The following TBC1D1 variants were observed in gnomAD, a reference collection of about 807,000 sequenced individuals.
The protein encoded by TBC1D1 is TBC1 (tre-2/USP6, BUB2, cdc16) domain family, member 1.
Under a neutral mutation model 125.6 loss-of-function variants are expected in TBC1D1, and 89 were observed. The observed-to-expected ratio is 0.71, with a 90% confidence interval of 0.60 to 0.85. The LOEUF is 0.85. TBC1D1 is among the 40% of genes least tolerant of loss of function. The pLI is 0.00. For missense variants in TBC1D1, 1,377 were observed against 1,469.2 expected (o/e 0.94, Z 1.03); for synonymous variants, 565 against 564.1 (o/e 1.00, Z -0.02).
chr4:38,092,531 G>C (rs1758593536), intron 13 of TBC1D1, among the ~76,000 whole-genome samples: 1 of 152,002 alleles, frequency 6.6e-6, no homozygotes, highest in African/African-American at 2.4e-5. Flanking sequence ...AGGGGTTCGA[G>C]ACCAGCCTGG....
At chr4:38,008,020 G>C (rs2152417891) in intron 2 of TBC1D1, among the ~76,000 whole-genome samples, 1 of 152,332 alleles carries the variant, frequency 6.6e-6, no homozygotes, top group South Asian at 2.1e-4. Context: ...TCATTTAGGT[G>C]GGTGGACCTG....
chr4:38,074,998 A>AT (rs1306324233), intron 12 of TBC1D1, among the ~76,000 whole-genome samples: 1 of 152,146 alleles, frequency 6.6e-6, no homozygotes, highest in Non-Finnish European at 1.5e-5. Flanking sequence ...TGACCTCGTC[A>AT]TCCGCCTGCC....
At chr4:37,978,931 C>T (rs1483737344) in intron 2 of TBC1D1, among the ~76,000 whole-genome samples, 1 of 152,156 alleles carries the variant, frequency 6.6e-6, no homozygotes, top group Non-Finnish European at 1.5e-5. Context: ...GGCTGGAGTG[C>T]AGTGGTGCGA....
At chr4:37,894,130 A>AC (rs1342256817) in intron 1 of TBC1D1, among the ~76,000 whole-genome samples, 1 of 151,908 alleles carries the variant, frequency 6.6e-6, no homozygotes, top group African/African-American at 2.4e-5. Flanking sequence ...CTGGGACTAC[A>AC]GGCGTGCTCT....
chr4:38,113,028 C>T (rs1762446695), intron 15 of TBC1D1, among the ~76,000 whole-genome samples: 1 of 152,192 alleles, frequency 6.6e-6, no homozygotes, highest in Non-Finnish European at 1.5e-5. Context: ...TTTGCCTTCT[C>T]ATAACATACC....
chr4:38,126,077 G>T (rs79820669), intron 18 of TBC1D1, among the ~76,000 whole-genome samples: 10,334 of 152,258 alleles, frequency 0.068, 484 homozygotes, highest in South Asian at 0.12. Context: ...AACCCAAGTG[G>T]TATAGCCTAC....
At chr4:38,114,266 G>T (rs1387993839) in intron 15 of TBC1D1, among the ~76,000 whole-genome samples, 1 of 152,158 alleles carries the variant, frequency 6.6e-6, no homozygotes, top group Non-Finnish European at 1.5e-5. Flanking sequence ...CTTGTGCAGG[G>T]TATATCTGGG....
chr4:37,921,109 C>CAAAAA (rs1188232681), intron 2 of TBC1D1, among the ~76,000 whole-genome samples: 58 of 71,866 alleles, frequency 8.1e-4, no homozygotes, highest in South Asian at 1.9e-3. Context: ...GACTCCGTCT[C>CAAAAA]AAAAAAAAAA....
chr4:38,039,132 T>A (rs1183181522), intron 8 of TBC1D1, among the ~76,000 whole-genome samples: 3 of 85,358 alleles, frequency 3.5e-5, no homozygotes, highest in Non-Finnish European at 6.8e-5. Context: ...TTTTTTTTTT[T>A]TTTGAGACAG....
At chr4:37,891,429 G>T (rs1237848699) in intron 1 of TBC1D1, 81 bp downstream of exon 1, 3 of 151,984 alleles carry the variant, frequency 2.0e-5, no homozygotes, top group Non-Finnish European at 4.4e-5. Flanking sequence ...CCCGCAGCAC[G>T]CCCCTGCCCC....
chr4:37,907,569 CA>C (rs2152241273), intron 2 of TBC1D1, among the ~76,000 whole-genome samples: 2 of 152,308 alleles, frequency 1.3e-5, no homozygotes, highest in African/African-American at 4.8e-5. Context: ...TCCTAACACC[CA>C]TGAACGTCCC....
At chr4:38,123,877 A>G (rs1366906266) in intron 17 of TBC1D1, among the ~76,000 whole-genome samples, 1 of 152,196 alleles carries the variant, frequency 6.6e-6, no homozygotes, top group Admixed American at 6.5e-5. Flanking sequence ...TCAGTTTCCC[A>G]TTTGCACAGC....
chr4:38,069,410 A>G (rs1754308780), intron 12 of TBC1D1, among the ~76,000 whole-genome samples: 1 of 152,214 alleles, frequency 6.6e-6, no homozygotes, highest in Non-Finnish European at 1.5e-5. Flanking sequence ...AGCCTGTCTC[A>G]GCCAATGATT....
intron 8 of TBC1D1, among the ~76,000 whole-genome samples, chr4:38,043,777 AAAGC>A (rs1474663494): frequency 1.3e-5 from 2 of 152,234 alleles, no homozygotes; most frequent in Admixed American, 1.3e-4. Flanking sequence ...AAAACGCAAG[AAAGC>A]AAGAGATCTG....
At chr4:38,021,160 A>G (rs961255069) in intron 5 of TBC1D1, among the ~76,000 whole-genome samples, 1 of 152,202 alleles carries the variant, frequency 6.6e-6, no homozygotes, top group African/African-American at 2.4e-5. Context: ...CACATCTTAC[A>G]TGGCAGCAGG....
At chr4:38,068,395 C>T (rs1166868206) in intron 12 of TBC1D1, among the ~76,000 whole-genome samples, 1 of 152,104 alleles carries the variant, frequency 6.6e-6, no homozygotes, top group Non-Finnish European at 1.5e-5. Context: ...GACACTCCTG[C>T]TCGTTTTCTC....
intron 2 of TBC1D1, among the ~76,000 whole-genome samples, chr4:37,931,824 T>A (rs866368385): frequency 1.1e-4 from 16 of 152,286 alleles, no homozygotes; most frequent in African/African-American, 3.8e-4. Context: ...ACACAAGAAG[T>A]TTTGCAAACT....
At chr4:38,010,192 G>A (rs527385573) in intron 2 of TBC1D1, among the ~76,000 whole-genome samples, 30 of 152,080 alleles carry the variant, frequency 2.0e-4, no homozygotes, top group Non-Finnish European at 4.0e-4. Flanking sequence ...ATTGTCTTCC[G>A]CCTTATTTAT....
In TBC1D1 at chr4:37,908,116, TGGA is replaced by T. The variant is rs1717731806; in HGVS notation, c.417+5606_417+5608del. Among the ~76,000 whole-genome samples the T allele has an allele frequency of 2.0e-5, 3 of 151,952 alleles. No homozygotes were observed. In the South Asian group the frequency reaches 6.3e-4, roughly 32 times the overall value. On this transcript the variant is annotated intron_variant, in intron 2 of 19. Transcript: ENST00000261439. The stretch of plus-strand genomic sequence containing the variant: ...CGGGGGTTCTTGAGATGGTAATAGG[TGGA>T]GAAGTGCAGGCTGGTGTGTGGTCGA...
Sources: allele counts gnomAD v4.1 joint callset (sites outside exome capture counted in the v4.1 genomes callset), GRCh38; gene constraint gnomAD v4.1.1; transcripts MANE v1.5; gene names NCBI Gene and HGNC (gene_info 2026-07-23, HGNC 2026-07-21).